Variants in SAMD5 observed in about 807,000 individuals in gnomAD.
SAMD5 encodes sterile alpha motif domain containing 5.
In SAMD5, 13 loss-of-function variants were observed where a neutral mutation model predicts 11.3. The ratio of observed to expected loss-of-function variants is 1.15; its 90% CI spans 0.75 to 1.83. The LOEUF (loss-of-function observed/expected upper bound fraction) is 1.83. Among genes scored for constraint, SAMD5 ranks in the 40% most tolerant of loss-of-function variants. The probability of loss-of-function intolerance (pLI) is 0.00; values close to 1 mark genes in which losing one functional copy is unlikely to be tolerated. For missense variants in SAMD5, 255 were observed against 239.1 expected (o/e 1.07, Z -0.44); for synonymous variants, 129 against 111.3 (o/e 1.16, Z -1.00).
At chr6:147,590,964 G>A (rs1378334238) in intron 1 of SAMD5, among the ~76,000 whole-genome samples, 1 of 152,078 alleles carries the variant, frequency 6.6e-6, no homozygotes, top group African/African-American at 2.4e-5. Flanking sequence ...TGTATTCAAG[G>A]TTAAAATGAA....
intron 1 of SAMD5, among the ~76,000 whole-genome samples, chr6:147,561,301 C>T (rs1788944971): frequency 6.6e-6 from 1 of 152,166 alleles, no homozygotes. Flanking sequence ...CATTCTCCTG[C>T]CTCAGCCTCC....
chr6:147,803,144 TGTGTGTGTGTG>T, the SAMD5 span, among the ~76,000 whole-genome samples: 1,018 of 112,744 alleles, frequency 9.0e-3, 15 homozygotes, highest in African/African-American at 0.031. Context: ...TGTGTGTGTG[TGTGTGTGTGTG>T]TGTGTGTGTG....
the SAMD5 span, among the ~76,000 whole-genome samples, chr6:147,943,705 C>T: frequency 6.6e-6 from 1 of 152,102 alleles, no homozygotes; most frequent in African/African-American, 2.4e-5. Context: ...CTGTTCTCTG[C>T]TATATTCTTA....
chr6:147,724,858 GTTTGGTGATT>G (rs1309446486), intron 1 of SAMD5, among the ~76,000 whole-genome samples: 1 of 152,008 alleles, frequency 6.6e-6, no homozygotes, highest in Non-Finnish European at 1.5e-5. Flanking sequence ...AAACCTAAGA[GTTTGGTGATT>G]TAAAGTTTAC....
chr6:147,656,575 T>C (rs1790571081), intron 1 of SAMD5, among the ~76,000 whole-genome samples: 1 of 152,060 alleles, frequency 6.6e-6, no homozygotes, highest in African/African-American at 2.4e-5. Context: ...AGCAAATAAA[T>C]GAAGCAAGAA....
chr6:147,643,383 A>G (rs553939754), intron 1 of SAMD5, among the ~76,000 whole-genome samples: 1 of 152,188 alleles, frequency 6.6e-6, no homozygotes, highest in East Asian at 1.9e-4. Flanking sequence ...TAAAAAGGGG[A>G]AAAAAACAAC....
chr6:147,797,728 T>A, the SAMD5 span, among the ~76,000 whole-genome samples: 2 of 140,730 alleles, frequency 1.4e-5, no homozygotes, highest in Non-Finnish European at 3.0e-5. Context: ...AGCTATTGAT[T>A]ATTGCCACAA....
chr6:147,929,774 T>A, the SAMD5 span, among the ~76,000 whole-genome samples: 2 of 152,050 alleles, frequency 1.3e-5, no homozygotes, highest in Non-Finnish European at 2.9e-5. Context: ...TTGGTAACAT[T>A]GGGGGGGAAA....
chr6:147,776,298 A>G, the SAMD5 span, among the ~76,000 whole-genome samples: 1 of 152,190 alleles, frequency 6.6e-6, no homozygotes, highest in East Asian at 1.9e-4. Context: ...TCAAACTCTG[A>G]GCCCATTTTC....
the SAMD5 span, among the ~76,000 whole-genome samples, chr6:147,879,530 C>T: frequency 2.7e-4 from 41 of 152,292 alleles, 1 homozygote; most frequent in East Asian, 7.7e-3. Flanking sequence ...AATTACAGCA[C>T]GTATGTATTT....
At chr6:147,924,946 A>G in the SAMD5 span, among the ~76,000 whole-genome samples, 1 of 152,162 alleles carries the variant, frequency 6.6e-6, no homozygotes, top group Non-Finnish European at 1.5e-5. Context: ...TTGACTAACC[A>G]TTAAGAGAGG....
the SAMD5 span, among the ~76,000 whole-genome samples, chr6:147,840,510 C>T: frequency 6.6e-6 from 1 of 152,228 alleles, no homozygotes; most frequent in African/African-American, 2.4e-5. Flanking sequence ...AGAAAGGGCA[C>T]CTGCTCTCAG....
At position 147,566,785 on chromosome 6, in the gene SAMD5, G is replaced by C; in HGVS notation, c.*2329G>C. The C allele has an allele frequency of 1.0e-6, 1 of 982,724 alleles. No homozygotes were observed. Among genetic ancestry groups the C allele is most frequent in the Non-Finnish European group, 1.2e-6 (1 of 827,552 alleles). The allele number at this position is 982,724 out of a possible 1,614,324, so 60.9% of individuals were successfully genotyped here. The stretch of plus-strand genomic sequence containing the variant: ...AACTTCAAATAAGCAAAGAAGTATT[G>C]AAGGATGCCCACGAATTCCTTTGCA... On this transcript the variant is annotated 3_prime_UTR_variant, in exon 2 of 2. Transcript: ENST00000367474.
intron 1 of SAMD5, among the ~76,000 whole-genome samples, chr6:147,647,486 C>T (rs1224317582): frequency 6.6e-6 from 1 of 151,986 alleles, no homozygotes; most frequent in East Asian, 1.9e-4. Flanking sequence ...GTTTCAGGTG[C>T]CAGTGGGACA....
intron 1 of SAMD5, among the ~76,000 whole-genome samples, chr6:147,547,955 G>A (rs1788711690): frequency 6.6e-6 from 1 of 152,106 alleles, no homozygotes; most frequent in Non-Finnish European, 1.5e-5. Flanking sequence ...GGTGGGGAGA[G>A]AATATGAATT....
chr6:147,614,165 C>G (rs1789830249), intron 1 of SAMD5, among the ~76,000 whole-genome samples: 1 of 151,866 alleles, frequency 6.6e-6, no homozygotes, highest in Non-Finnish European at 1.5e-5. Context: ...GAGTGAACAG[C>G]CTGTAGAAAG....
the SAMD5 span, among the ~76,000 whole-genome samples, chr6:147,854,105 C>T: frequency 6.6e-6 from 1 of 152,060 alleles, no homozygotes; most frequent in African/African-American, 2.4e-5. Flanking sequence ...CTCAGGAGGC[C>T]TGAGTCTGGA....
At chr6:147,843,009 G>A in the SAMD5 span, among the ~76,000 whole-genome samples, 1 of 152,078 alleles carries the variant, frequency 6.6e-6, no homozygotes, top group Non-Finnish European at 1.5e-5. Context: ...ACAGGTGCCT[G>A]CCACCACGCC....
intron 1 of SAMD5, among the ~76,000 whole-genome samples, chr6:147,600,873 C>T (rs150804202): frequency 2.0e-5 from 3 of 152,264 alleles, no homozygotes; most frequent in East Asian, 1.9e-4. Flanking sequence ...TTAAGGAAAT[C>T]GAATGCTGCT....
Sources: allele counts gnomAD v4.1 joint callset (sites outside exome capture counted in the v4.1 genomes callset), GRCh38; gene constraint gnomAD v4.1.1; transcripts MANE v1.5; gene names NCBI Gene and HGNC (gene_info 2026-07-23, HGNC 2026-07-21).